COL6A5: variants seen among roughly 807,000 people sequenced by gnomAD.
The protein encoded by COL6A5 is collagen type VI alpha 5 chain, also known as collagen alpha-5(VI) chain.
In COL6A5, 48 loss-of-function variants were observed where a neutral mutation model predicts 65.6. The observed-to-expected ratio is 0.73, with a 90% CI of 0.58 to 0.93. COL6A5 has a LOEUF of 0.93. Ranked by LOEUF, COL6A5 falls within the 40% of genes least tolerant of loss-of-function variation. The pLI is 0.00. For missense variants in COL6A5, 914 were observed against 928.3 expected (o/e 0.98, Z 0.20); for synonymous variants, 291 against 322.8 (o/e 0.90, Z 1.05).
At chr3:130,381,516 AT>A (rs1379715192) in intron 4 of COL6A5, among the ~76,000 whole-genome samples, 1 of 151,824 alleles carries the variant, frequency 6.6e-6, no homozygotes, top group Non-Finnish European at 1.5e-5. Flanking sequence ...AATCCTGTCT[AT>A]TTTTTTCTTC....
chr3:130,479,677 G>C (rs925873195), intron 7 of COL6A5, among the ~76,000 whole-genome samples: 3 of 152,024 alleles, frequency 2.0e-5, no homozygotes, highest in Admixed American at 2.0e-4. Flanking sequence ...CCCATAAAGT[G>C]AATGAACTAA....
chr3:130,432,889 T>C (rs1937879780), intron 1 of COL6A5, among the ~76,000 whole-genome samples: 1 of 152,132 alleles, frequency 6.6e-6, no homozygotes, highest in Non-Finnish European at 1.5e-5. Context: ...GTGCTCCCCT[T>C]CCCTTCCTCC....
At chr3:130,431,550 G>A in exon 1 of COL6A5, 4 of 1,551,506 alleles carry the variant, frequency 2.6e-6, no homozygotes, top group Non-Finnish European at 3.5e-6. Context: ...ATAAAACACG[G>A]GACATCATCA....
In COL6A5 at chr3:130,397,937, A is replaced by C; in HGVS notation, c.3909+14A>C. On this transcript the variant is annotated intron_variant and NMD_transcript_variant, in intron 9 of 41. Coordinates refer to the COL6A5 transcript ENST00000312481. ...TCCCGGGGCCAGGTATCCATATTAC[A>C]TTCTATCTCCCATCTCCACATTCTC... The C allele has an allele frequency of 1.3e-6, 2 of 1,548,368 alleles. No individual in the cohort carries two copies. The highest frequency in any genetic ancestry group is 1.7e-6 in the Non-Finnish European group (2 of 1,144,164).
At chr3:130,354,582 A>G (rs1934854342) in intron 1 of COL6A5, among the ~76,000 whole-genome samples, 1 of 152,202 alleles carries the variant, frequency 6.6e-6, no homozygotes, top group Non-Finnish European at 1.5e-5. Context: ...ATGCCCAGTT[A>G]ATTCATACGC....
At chr3:130,458,308 G>T (rs1004045799) in intron 5 of COL6A5, among the ~76,000 whole-genome samples, 2 of 152,118 alleles carry the variant, frequency 1.3e-5, no homozygotes, top group African/African-American at 4.8e-5. Context: ...ATATTTAGGA[G>T]TGTGAATGAG....
At chr3:130,367,728 A>G (rs1217150014) in intron 1 of COL6A5, among the ~76,000 whole-genome samples, 1 of 152,222 alleles carries the variant, frequency 6.6e-6, no homozygotes, top group Non-Finnish European at 1.5e-5. Context: ...CCAAGCATGC[A>G]TACATATGTG....
intron 8 of COL6A5, 101 bp downstream of exon 8, chr3:130,395,566 C>A: frequency 1.1e-6 from 1 of 887,250 alleles, no homozygotes; most frequent in Non-Finnish European, 1.7e-6. Flanking sequence ...ATATTTAGAA[C>A]ATATATTTAG....
chr3:130,413,980 A>T, intron 21 of COL6A5, 89 bp from the exon 22 acceptor site: 1 of 949,590 alleles, frequency 1.1e-6, no homozygotes, highest in Non-Finnish European at 1.6e-6. Flanking sequence ...ACAAAATAGT[A>T]CCTATTTCTG....
At chr3:130,436,074 A>G (rs1048885471) in intron 1 of COL6A5, among the ~76,000 whole-genome samples, 1 of 152,096 alleles carries the variant, frequency 6.6e-6, no homozygotes, top group African/African-American at 2.4e-5. Flanking sequence ...AGAAATTTCT[A>G]AATTTTTAAA....
At chr3:130,420,920 CCT>C (rs1937505693) in intron 25 of COL6A5, among the ~76,000 whole-genome samples, 1 of 152,024 alleles carries the variant, frequency 6.6e-6, no homozygotes, top group African/African-American at 2.4e-5. Context: ...AATGACCACC[CCT>C]CTGTTTCCTG....
At chr3:130,465,493 G>A (rs1013077076) in intron 5 of COL6A5, among the ~76,000 whole-genome samples, 2 of 151,992 alleles carry the variant, frequency 1.3e-5, no homozygotes, top group Non-Finnish European at 2.9e-5. Context: ...AGAAAACTTA[G>A]GAAGGTCTTG....
intron 28 of COL6A5, 98 bp from the exon 29 acceptor site, chr3:130,423,739 TA>T (rs1937554391): frequency 7.4e-6 from 6 of 808,622 alleles, no homozygotes; most frequent in South Asian, 6.0e-5. Context: ...GCTATCTTTT[TA>T]AAATTTTTTT....
At chr3:130,462,315 T>G (rs1709720660) in intron 5 of COL6A5, among the ~76,000 whole-genome samples, 1 of 152,076 alleles carries the variant, frequency 6.6e-6, no homozygotes, top group South Asian at 2.1e-4. Flanking sequence ...CTCCTTGAAG[T>G]TAAGCATGCG....
At chr3:130,465,255 T>A (rs2107610344) in intron 5 of COL6A5, among the ~76,000 whole-genome samples, 1 of 151,878 alleles carries the variant, frequency 6.6e-6, no homozygotes, top group Middle Eastern at 3.4e-3. Context: ...GCTGACAGGG[T>A]GGGATACCAG....
chr3:130,424,549 C>A (rs913640877), intron 29 of COL6A5, among the ~76,000 whole-genome samples: 3 of 152,020 alleles, frequency 2.0e-5, no homozygotes, highest in Non-Finnish European at 4.4e-5. Context: ...GTGGTGGAGA[C>A]CCAGGCAGCA....
At chr3:130,413,676 AC>A (rs1375906604) in intron 21 of COL6A5, 96 bp downstream of exon 21, 1 of 1,265,962 alleles carries the variant, frequency 7.9e-7, no homozygotes, top group Non-Finnish European at 1.1e-6. Context: ...TGAGCATTTT[AC>A]AAGGGTATAG....
At chr3:130,480,259 C>T (rs1250072336) in intron 7 of COL6A5, among the ~76,000 whole-genome samples, 1 of 151,666 alleles carries the variant, frequency 6.6e-6, no homozygotes, top group Non-Finnish European at 1.5e-5. Flanking sequence ...AATAGAATTA[C>T]CAAAATTTAA....
At chr3:130,423,930 T>A (rs1937559594) in intron 29 of COL6A5, 30 bp downstream of exon 29, 2 of 1,487,786 alleles carry the variant, frequency 1.3e-6, no homozygotes, top group African/African-American at 1.4e-5. Flanking sequence ...CTAAATAGGA[T>A]ATAGTAGTTT....
Sources: allele counts gnomAD v4.1 joint callset (sites outside exome capture counted in the v4.1 genomes callset), GRCh38; gene constraint gnomAD v4.1.1; transcripts MANE v1.5; gene names NCBI Gene and HGNC (gene_info 2026-07-23, HGNC 2026-07-21).